The following VPS35L variants were observed in gnomAD, a reference collection of about 807,000 sequenced individuals.
The protein encoded by VPS35L is VPS35 endosomal protein sorting factor like, also known as VPS35 endosomal protein-sorting factor-like.
Under a neutral mutation model 133.0 loss-of-function variants are expected in VPS35L, and 83 were observed. The ratio of observed to expected loss-of-function variants is 0.62; its 90% CI spans 0.52 to 0.75. The LOEUF (loss-of-function observed/expected upper bound fraction) is 0.75, where lower values mean the gene tolerates loss of function less well. VPS35L is among the 30% of genes least tolerant of loss of function. The pLI, the probability that VPS35L is intolerant of heterozygous loss-of-function variation, is 0.00. For missense variants in VPS35L, 1,083 were observed against 1,206.8 expected, an observed-to-expected ratio of 0.90 and a Z score of 1.52; for synonymous variants, 423 against 449.9, an observed-to-expected ratio of 0.94 and a Z score of 0.76.
At position 19,639,889 on chromosome 16, in the gene VPS35L, C is replaced by A; in HGVS notation, c.1699-126C>A. ...TCCCTGATTTCAGAGGAGTCCTCAT[C>A]TGACCCGACTCAGAGAGATGAACCT... On this transcript the variant is annotated intron_variant, in intron 20 of 30. Transcript: ENST00000417362. This position sits in a 1 kb window ranked among gnomAD's most constrained non-coding sequence, Gnocchi z 4.1. The A allele has an allele frequency of 1.3e-6, 1 of 772,402 alleles. No individual in the cohort carries two copies. Among genetic ancestry groups the A allele is most frequent in the Non-Finnish European group, 2.1e-6 (1 of 480,786 alleles). The allele number at this position is 772,402 out of a possible 1,614,324, so 47.8% of individuals were successfully genotyped here.
chr16:19,606,767 T>C (rs1268493504), intron 9 of VPS35L, among the ~76,000 whole-genome samples: 2 of 152,230 alleles, frequency 1.3e-5, no homozygotes. Context: ...ATTTATTTAT[T>C]CATTTTTTAG....
Position 19,608,281 on chromosome 16 carries a change from T to C in VPS35L, c.881+7T>C, listed in dbSNP as rs75325686. 1.2e-5 allele frequency: 2 copies of C among 169,666 alleles called. No individual in the cohort carries two copies. Among genetic ancestry groups the C allele is most frequent in the African/African-American group, 9.8e-5 (1 of 10,200 alleles). The allele number at this position is 169,666 out of a possible 1,614,324, so 10.5% of individuals were successfully genotyped here. A position where few individuals can be genotyped will look rare whatever the true frequency, so the allele number is the denominator to read the frequency against. On this transcript the variant is annotated splice_region_variant and intron_variant, in intron 10 of 30. Transcript: ENST00000417362. ...GGGAACTCATTCCAAGATTGTATCC[T>C]TTTTTTTTTTTTTGGTCTGATGATT...
At chr16:19,596,140 C>T (rs949513101) in intron 8 of VPS35L, among the ~76,000 whole-genome samples, 46 of 152,078 alleles carry the variant, frequency 3.0e-4, no homozygotes, top group African/African-American at 1.1e-3. Flanking sequence ...AGATGAGGAA[C>T]CTGAGGCTTG....
chr16:19,682,338 G>T lies in VPS35L; in HGVS notation c.2475G>T (p.Leu825=), dbSNP rs746127341. The change falls in exon 28 of 31, where the codon CTG becomes CTT. Residue 825 remains leucine (L), a synonymous_variant. Transcript: ENST00000417362. ...AAATCCGCATCTACACCTGCGTCCTGCATCTCCTCTCCGCCATGAGCCAGG... is the reference window on the plus strand; with the variant it reads ...AAATCCGCATCTACACCTGCGTCCTTCATCTCCTCTCCGCCATGAGCCAGG... ...DEKIRIYTCV[L]HLLSAMSQET... is the part of the protein sequence containing the mutation. 9 of 1,614,080 alleles carry T rather than the reference G, an allele frequency of 5.6e-6. No individual in the cohort carries two copies. The highest frequency in any genetic ancestry group is 7.6e-6 in the Non-Finnish European group (9 of 1,180,052).
intron 8 of VPS35L, among the ~76,000 whole-genome samples, chr16:19,596,498 C>T (rs1255232627): frequency 6.6e-6 from 1 of 150,924 alleles, no homozygotes; most frequent in Non-Finnish European, 1.5e-5. Context: ...TGGTCTCAAA[C>T]TCCTGGAGTC....
chr16:19,696,313 T>C (rs1213893189), intron 29 of VPS35L, among the ~76,000 whole-genome samples: 2 of 152,110 alleles, frequency 1.3e-5, no homozygotes, highest in African/African-American at 4.8e-5. Context: ...GCCTGGTGGA[T>C]TTCTCCCCAC....
At chr16:19,584,509 C>T (rs1240527010) in intron 7 of VPS35L, among the ~76,000 whole-genome samples, 1 of 151,810 alleles carries the variant, frequency 6.6e-6, no homozygotes, top group African/African-American at 2.4e-5. Context: ...TGCCTGTAAT[C>T]TCAGCTACTT....
At chr16:19,626,944 T>A (rs1421507757) in intron 15 of VPS35L, among the ~76,000 whole-genome samples, 2 of 152,110 alleles carry the variant, frequency 1.3e-5, no homozygotes, top group South Asian at 2.1e-4. Context: ...CTGTGTCCCC[T>A]GTGCCTGGTG....
chr16:19,670,253 C>T (rs1017560968), intron 27 of VPS35L, among the ~76,000 whole-genome samples: 2 of 152,212 alleles, frequency 1.3e-5, no homozygotes, highest in Non-Finnish European at 2.9e-5. Context: ...TTAGGGTCTC[C>T]GTGTATGAAT....
intron 26 of VPS35L, among the ~76,000 whole-genome samples, chr16:19,663,369 C>T (rs1471013634): frequency 6.6e-6 from 1 of 152,138 alleles, no homozygotes; most frequent in South Asian, 2.1e-4. Flanking sequence ...TGGTGTCCAT[C>T]CTCATCCACC....
At chr16:19,570,090 T>C (rs1376449745) in intron 3 of VPS35L, among the ~76,000 whole-genome samples, 1 of 152,080 alleles carries the variant, frequency 6.6e-6, no homozygotes, top group East Asian at 1.9e-4. Flanking sequence ...AATATTTTTT[T>C]CAGACAGCCT....
chr16:19,628,711 C>A lies in VPS35L; in HGVS notation c.1458C>A (p.Leu486=), dbSNP rs199682055. The change falls in exon 17 of 31, where the codon CTC becomes CTA. Residue 486 remains leucine, a synonymous_variant. Transcript: ENST00000417362. ...CTGAGAGTGACCGACTTCAGATTCTCAACGAAGCTTGGAAAGTCATCACTA... is the reference window on the plus strand; with the variant it reads ...CTGAGAGTGACCGACTTCAGATTCTAAACGAAGCTTGGAAAGTCATCACTA... ...DPPESDRLQI[L]NEAWKVITKL... 1.8e-5 allele frequency: 29 copies of A among 1,596,726 alleles called. No individual in the cohort carries two copies. In the South Asian group the frequency reaches 3.2e-4, roughly 17 times the overall value.
chr16:19,619,055 T>C (rs1972992627), intron 14 of VPS35L, among the ~76,000 whole-genome samples: 1 of 151,776 alleles, frequency 6.6e-6, no homozygotes, highest in African/African-American at 2.4e-5. Flanking sequence ...CTCAACCTCA[T>C]GAGTAGCTGG....
At chr16:19,690,716 C>T (rs1199580168) in intron 28 of VPS35L, among the ~76,000 whole-genome samples, 3 of 152,062 alleles carry the variant, frequency 2.0e-5, no homozygotes, top group Non-Finnish European at 4.4e-5. Context: ...TTTGGGAGGC[C>T]GAGGCAGGCG....
At chr16:19,575,230 G>T (rs1223965651) in intron 5 of VPS35L, 108 bp downstream of exon 5, 5 of 994,896 alleles carry the variant, frequency 5.0e-6, no homozygotes, top group African/African-American at 1.6e-5. Flanking sequence ...GTTTGATTCA[G>T]TTGGAGCTGC....
In VPS35L at chr16:19,628,585, A is replaced by G. The variant is rs534461288; in HGVS notation, c.1384-52A>G. On this transcript the variant is annotated intron_variant, in intron 16 of 30. Coordinates refer to ENST00000417362, the MANE Select transcript of VPS35L (RefSeq NM_020314.7). ...TCTCTTTTCTTTTCTTTGAGCTTCA[A>G]GTTAATTTGATTTAAAATTTCCATA... is the stretch of plus-strand genomic sequence containing the variant. 4.0e-5 allele frequency: 40 copies of G among 988,182 alleles called. No individual in the cohort carries two copies. The African/African-American group carries it at 6.3e-4, about 16-fold the overall frequency. 61.2% of individuals were successfully genotyped at this position (988,182 alleles called of 1,614,324 possible).
At chr16:19,650,275 C>T in intron 24 of VPS35L, 107 bp from the exon 25 acceptor site, 1 of 924,186 alleles carries the variant, frequency 1.1e-6, no homozygotes. Flanking sequence ...TCCTAGAAAG[C>T]TTGTTCTCAT....
intron 25 of VPS35L, among the ~76,000 whole-genome samples, chr16:19,651,665 T>C (rs569158992): frequency 6.6e-4 from 100 of 152,342 alleles, no homozygotes; most frequent in African/African-American, 2.3e-3. Flanking sequence ...CTGTTTCTAA[T>C]TACCTCCATA....
intron 8 of VPS35L, among the ~76,000 whole-genome samples, chr16:19,592,230 G>A (rs916671647): frequency 2.7e-5 from 4 of 150,100 alleles, no homozygotes; most frequent in African/African-American, 4.9e-5. Flanking sequence ...TCATGCCACC[G>A]TGCCCAGCTA....
Sources: allele counts gnomAD v4.1 joint callset (sites outside exome capture counted in the v4.1 genomes callset), GRCh38; gene constraint gnomAD v4.1.1; non-coding constraint Gnocchi (gnomAD v3.1); transcripts MANE v1.5; gene names NCBI Gene and HGNC (gene_info 2026-07-23, HGNC 2026-07-21).